RBBP6: variants seen among roughly 807,000 people sequenced by gnomAD.
The protein encoded by RBBP6 is RB binding protein 6, ubiquitin ligase.
In RBBP6, 25 loss-of-function variants were observed where a neutral mutation model predicts 167.7. That is an observed-to-expected ratio of 0.15 (90% CI 0.11 to 0.21). The LOEUF (loss-of-function observed/expected upper bound fraction) is 0.21. Among genes scored for constraint, RBBP6 ranks in the 10% least tolerant of loss-of-function variants. RBBP6 has a pLI of 1.00. For missense variants in RBBP6, 1,868 were observed against 2,134.2 expected (o/e 0.88, Z 2.46); for synonymous variants, 789 against 735.8 (o/e 1.07, Z -1.17).
rs201441676 is a variant in RBBP6, at chr16:24,562,004, A to G, written c.1132A>G (p.Thr378Ala). ...PLMIPVTSSS[T>A]HPAPSISSLT... ...TATGATTCCAGTGACATCTTCATCA[A>G]CTCACCCAGCTCCGTCTATATCTTC... The change falls in exon 10 of 18, where the codon ACT (threonine) becomes GCT (alanine). Residue 378 changes from threonine to alanine, a missense_variant. Around this residue, in one of 7 missense-constraint regions of RBBP6, gnomAD observed 245 missense variants for 240.1 expected, o/e 1.02. Transcript: ENST00000319715. 7.4e-5 allele frequency: 119 copies of G among 1,613,192 alleles called. No homozygotes were observed. The highest frequency in any genetic ancestry group is 9.6e-5 in the Non-Finnish European group (113 of 1,179,682).
intron 8 of RBBP6, among the ~76,000 whole-genome samples, chr16:24,561,324 C>A (rs781575387): frequency 1.3e-5 from 2 of 151,896 alleles, no homozygotes; most frequent in Non-Finnish European, 2.9e-5. Flanking sequence ...CTTCTAGGCT[C>A]AAGTGATTCT....
intron 7 of RBBP6, chr16:24,558,639 T>C (rs1898975174): frequency 4.6e-6 from 2 of 431,274 alleles, no homozygotes; most frequent in African/African-American, 4.3e-5. Context: ...TTCCTGTGTT[T>C]TGCAAATTTG....
In RBBP6 at chr16:24,563,260, T is replaced by A. The variant is rs1345331647; in HGVS notation, c.1351T>A (p.Ser451Thr). The A allele has an allele frequency of 6.2e-7, 1 of 1,611,480 alleles. No homozygotes were observed. Among genetic ancestry groups the A allele is most frequent in the Non-Finnish European group, 8.5e-7 (1 of 1,178,868 alleles). The stretch of plus-strand genomic sequence containing the variant: ...TGCATCAGAGCACTCAAAGGGAACC[T>A]CCTCAATTGCAATTACCGCTCTTAT... Reference protein sequence around the residue: ...ALASEHSKGTSSIAITALMEE... With the variant: ...ALASEHSKGTTSIAITALMEE... The change falls in exon 11 of 18, where the codon TCC (serine) becomes ACC (threonine). Residue 451 changes from serine (S) to threonine (T), a missense_variant. Physicochemically the swap from Ser to Thr is moderately conservative, Grantham distance 58. Around this residue, in one of 7 missense-constraint regions of RBBP6, gnomAD observed 245 missense variants for 240.1 expected, o/e 1.02. Transcript: ENST00000319715.
At chr16:24,568,604 C>T (rs767668492) in intron 16 of RBBP6, 141 bp from the exon 17 acceptor site, 46 of 1,230,506 alleles carry the variant, frequency 3.7e-5, no homozygotes, top group Admixed American at 5.8e-5. Flanking sequence ...GTAGAGGTCA[C>T]TGTGCCTCTT....
In RBBP6 at chr16:24,539,903, G is replaced by A. The variant is rs1898438175; in HGVS notation, c.-724G>A. The A allele has an allele frequency of 6.5e-6, 1 of 153,178 alleles. No individual in the cohort carries two copies. Among genetic ancestry groups the A allele is most frequent in the African/African-American group, 2.4e-5 (1 of 41,574 alleles). 9.5% of individuals were successfully genotyped at this position (153,178 alleles called of 1,614,324 possible). A position where few individuals can be genotyped will look rare whatever the true frequency, so the allele number is the denominator to read the frequency against. ...CGAGGCCTCGCCGAGGCCTAGCGCC[G>A]GCTTTGTGTCCGAGGCGGCGGCGGC... On this transcript the variant is annotated 5_prime_UTR_variant, in exon 1 of 18. Transcript: ENST00000319715.
chr16:24,541,796 G>T (rs976716741), intron 1 of RBBP6, among the ~76,000 whole-genome samples: 1 of 152,190 alleles, frequency 6.6e-6, no homozygotes, highest in Non-Finnish European at 1.5e-5. Context: ...CTGATGGAAT[G>T]AGAAGAAGTG....
chr16:24,549,516 T>C (rs540629465), intron 3 of RBBP6: 24 of 360,670 alleles, frequency 6.7e-5, no homozygotes, highest in Non-Finnish European at 8.5e-5. Context: ...TAAAGTTTGA[T>C]GCTTTCTCCA....
chr16:24,562,398 TA>T, intron 10 of RBBP6, among the ~76,000 whole-genome samples: 1 of 152,200 alleles, frequency 6.6e-6, no homozygotes, highest in African/African-American at 2.4e-5. Flanking sequence ...AACCAGCCCC[TA>T]TTAAACGTTG....
chr16:24,570,649 G>A, intron 17 of RBBP6, 150 bp downstream of exon 17: 2 of 866,350 alleles, frequency 2.3e-6, no homozygotes, highest in Non-Finnish European at 1.6e-6. Context: ...TTTGAAGAAG[G>A]GAATTGCCAA....
rs760955205 is a variant in RBBP6 at position 24,549,017 on chromosome 16, A to G, written c.303+36A>G. 5.0e-6 allele frequency: 8 copies of G among 1,603,120 alleles called. No individual in the cohort carries two copies. The South Asian group carries it at 6.7e-5, about 13-fold the overall frequency. On this transcript the variant is annotated intron_variant, in intron 3 of 17. Coordinates refer to ENST00000319715, the MANE Select transcript of RBBP6 (RefSeq NM_006910.5). ...ACACAATCTCACACTTTTTCTACAC[A>G]TTGCTTTTACCTTTATAATGTAGCA... is the stretch of plus-strand genomic sequence containing the variant.
At chr16:24,550,881 G>A (rs1253468571) in intron 3 of RBBP6, among the ~76,000 whole-genome samples, 1 of 151,808 alleles carries the variant, frequency 6.6e-6, no homozygotes, top group Non-Finnish European at 1.5e-5. Context: ...TATTCATCAA[G>A]CATAATTAGT....
intron 4 of RBBP6, 129 bp from the exon 5 acceptor site, chr16:24,555,486 C>A: frequency 2.8e-6 from 2 of 714,232 alleles, no homozygotes; most frequent in Non-Finnish European, 4.8e-6. Context: ...CCAGGTTATA[C>A]GTGTAAATAG....
intron 4 of RBBP6, 187 bp downstream of exon 4, chr16:24,553,744 C>T (rs1159353565): frequency 1.1e-5 from 4 of 378,606 alleles, no homozygotes; most frequent in South Asian, 8.3e-5. Context: ...TCAGCCTCAG[C>T]GTATTGGAGT....
intron 1 of RBBP6, among the ~76,000 whole-genome samples, chr16:24,542,360 T>A (rs1425302736): frequency 6.6e-6 from 1 of 152,130 alleles, no homozygotes; most frequent in African/African-American, 2.4e-5. Context: ...ATTTTAATCG[T>A]CATATATTCA....
Position 24,570,352 on chromosome 16 carries a change from G to A in RBBP6, c.3662G>A (p.Ser1221Asn), listed in dbSNP as rs1235349652. ...AGAGAAACTGGGAAGAAAATTGGAAGTACAGAAAATATATCAAACACAAAA... is the reference window on the plus strand; with the variant it reads ...AGAGAAACTGGGAAGAAAATTGGAAATACAGAAAATATATCAAACACAAAA... ...LNRETGKKIG[S>N]TENISNTKEP... Residue 1221 changes from serine (S) to asparagine (N), a missense_variant, in exon 17 of 18, where the codon AGT (serine) becomes AAT (asparagine). By Grantham distance (46) the Ser-to-Asn change is conservative. Around this residue, in one of 7 missense-constraint regions of RBBP6, gnomAD observed 673 missense variants for 691.5 expected, o/e 0.97. Coordinates refer to ENST00000319715, the MANE Select transcript of RBBP6 (RefSeq NM_006910.5). 2 of 1,612,670 alleles carry A rather than the reference G, an allele frequency of 1.2e-6. No homozygotes were observed. Among genetic ancestry groups the A allele is most frequent in the Admixed American group, 3.4e-5 (2 of 59,646 alleles).
rs753917046 is a variant in RBBP6 at position 24,568,852 on chromosome 16, G to A, written c.2162G>A (p.Arg721His). 1.9e-5 allele frequency: 30 copies of A among 1,614,028 alleles called. No homozygotes were observed. The highest frequency in any genetic ancestry group is 3.3e-4 in the Middle Eastern group (2 of 6,084). Residue 721 changes from arginine to histidine, a missense_variant, in exon 17 of 18, where the codon CGC becomes CAC. Physicochemically the swap from Arg to His is conservative, Grantham distance 29. Coordinates refer to ENST00000319715, the MANE Select transcript of RBBP6 (RefSeq NM_006910.5). ...RSRSYSRSFS[R>H]SHSRSYSRSP... ...CGCTCTTATTCTCGATCATTCAGCC[G>A]CTCACATTCTCGTTCCTATTCACGG... is the stretch of plus-strand genomic sequence containing the variant.
chr16:24,544,022 G>A (rs1248596441), intron 1 of RBBP6, among the ~76,000 whole-genome samples: 1 of 152,128 alleles, frequency 6.6e-6, no homozygotes, highest in Non-Finnish European at 1.5e-5. Context: ...AAGATACTTT[G>A]AGGGGTAAGA....
rs1458791658 is a variant in RBBP6, at chr16:24,539,605, T to C, written c.-1022T>C. 6.6e-6 allele frequency: 1 copy of C among 151,996 alleles called. No individual in the cohort carries two copies. The highest frequency in any genetic ancestry group is 1.5e-5 in the Non-Finnish European group (1 of 68,022). 9.4% of individuals were successfully genotyped at this position (151,996 alleles called of 1,614,324 possible). The stretch of plus-strand genomic sequence containing the variant: ...GTCCGAAGCCAGGCCGCGTCCGCCA[T>C]AGTACCTGGCTTGGAGGTGTCGCCG... On this transcript the variant is annotated 5_prime_UTR_variant, in exon 1 of 18. Coordinates refer to ENST00000319715, the MANE Select transcript of RBBP6 (RefSeq NM_006910.5).
chr16:24,541,920 T>C (rs1898509646), intron 1 of RBBP6, among the ~76,000 whole-genome samples: 1 of 152,212 alleles, frequency 6.6e-6, no homozygotes, highest in South Asian at 2.1e-4. Flanking sequence ...GCCTGTAGTT[T>C]AGGTAGAGTA....
Sources: gnomAD v4.1 joint callset for allele counts (sites outside exome capture counted in the v4.1 genomes callset) on GRCh38, gnomAD v4.1.1 for gene constraint, gnomAD v4.1.1 regional missense constraint, MANE v1.5 for transcripts, NCBI Gene and HGNC (gene_info 2026-07-23, HGNC 2026-07-21) for gene names.